The following EPB41L3 variants were observed in gnomAD, a reference collection of about 807,000 sequenced individuals.
The protein encoded by EPB41L3 is erythrocyte membrane protein band 4.1 like 3.
A neutral mutation model predicts 127.1 loss-of-function variants in EPB41L3; 57 were observed. The observed-to-expected ratio is 0.45, with a 90% confidence interval of 0.36 to 0.56. The LOEUF is 0.56. EPB41L3 is among the 20% of genes least tolerant of loss of function. The probability of loss-of-function intolerance (pLI) is 0.00; values close to 1 mark genes in which losing one functional copy is unlikely to be tolerated. For synonymous variants in EPB41L3, 572 were observed against 549.5 expected, an observed-to-expected ratio of 1.04 and a Z score of -0.57; for missense variants, 1,273 against 1,372.2, an observed-to-expected ratio of 0.93 and a Z score of 1.14.
intron 11 of EPB41L3, among the ~76,000 whole-genome samples, chr18:5,421,660 AT>A (rs2145123987): frequency 6.6e-6 from 1 of 152,330 alleles, no homozygotes; most frequent in African/African-American, 2.4e-5. Context: ...GAAATCATGT[AT>A]TTTGAAGTGA....
chr18:5,406,642 C>T (rs968499159), intron 16 of EPB41L3, 135 bp downstream of exon 16: 2 of 726,994 alleles, frequency 2.8e-6, no homozygotes, highest in Non-Finnish European at 4.3e-6. Context: ...GAGCACTGAG[C>T]ATCTCAGCTC....
chr18:5,457,786 A>C (rs1388657319), intron 3 of EPB41L3, among the ~76,000 whole-genome samples: 2 of 152,102 alleles, frequency 1.3e-5, no homozygotes, highest in Non-Finnish European at 2.9e-5. Context: ...CACGCCCCGA[A>C]GCCTTCTACC....
At chr18:5,431,910 G>T (rs963908132) in intron 8 of EPB41L3, among the ~76,000 whole-genome samples, 5 of 152,172 alleles carry the variant, frequency 3.3e-5, no homozygotes, top group South Asian at 2.1e-4. Flanking sequence ...AGGTGAAAAA[G>T]TGTAATAATG....
At chr18:5,472,326 G>A (rs550533157) in intron 3 of EPB41L3, among the ~76,000 whole-genome samples, 42 of 152,146 alleles carry the variant, frequency 2.8e-4, no homozygotes, top group Non-Finnish European at 5.7e-4. Flanking sequence ...AGGAAACAAC[G>A]TTAATTAAAG....
intron 3 of EPB41L3, among the ~76,000 whole-genome samples, chr18:5,583,216 T>C (rs186960797): frequency 3.9e-4 from 60 of 152,258 alleles, no homozygotes; most frequent in African/African-American, 1.3e-3. Context: ...CGCCAGATAC[T>C]AGGCAAGGTA....
chr18:5,533,332 C>CA (rs1445096803), intron 1 of EPB41L3, among the ~76,000 whole-genome samples: 1 of 152,158 alleles, frequency 6.6e-6, no homozygotes, highest in Non-Finnish European at 1.5e-5. Flanking sequence ...TGATGCAATT[C>CA]AAATGTGATA....
At chr18:5,629,602 C>T (rs1010322728), upstream of EPB41L3, among the ~76,000 whole-genome samples, 1 of 152,210 alleles carries the variant, frequency 6.6e-6, no homozygotes, top group South Asian at 2.1e-4. Flanking sequence ...AGGCCCCCCC[C>T]TCCCCCGCGT....
At chr18:5,497,486 C>T (rs1007910257) in intron 1 of EPB41L3, among the ~76,000 whole-genome samples, 14 of 152,148 alleles carry the variant, frequency 9.2e-5, no homozygotes, top group Admixed American at 4.6e-4. Context: ...GAGAAATGTA[C>T]GAAGCTGGTA....
At chr18:5,443,401 C>T (rs145697884) in intron 5 of EPB41L3, among the ~76,000 whole-genome samples, 149 of 152,292 alleles carry the variant, frequency 9.8e-4, no homozygotes, top group Admixed American at 2.2e-3. Flanking sequence ...CATTAAAATA[C>T]GTATTTTTCA....
At chr18:5,571,973 G>A (rs943089042) in intron 3 of EPB41L3, among the ~76,000 whole-genome samples, 2 of 152,164 alleles carry the variant, frequency 1.3e-5, no homozygotes, top group East Asian at 1.9e-4. Context: ...CTAGACCTGC[G>A]TACTTGGAAT....
At chr18:5,456,846 A>T (rs987638775) in intron 3 of EPB41L3, among the ~76,000 whole-genome samples, 3 of 152,208 alleles carry the variant, frequency 2.0e-5, no homozygotes, top group African/African-American at 7.2e-5. Flanking sequence ...GAAGCTGCTG[A>T]ACCCTGCTAA....
At chr18:5,422,504 C>A (rs1459281137) in intron 11 of EPB41L3, among the ~76,000 whole-genome samples, 1 of 152,132 alleles carries the variant, frequency 6.6e-6, no homozygotes, top group African/African-American at 2.4e-5. Context: ...TTAAACCATA[C>A]TTGCATACCA....
chr18:5,612,163 A>G (rs1435546316), intron 3 of EPB41L3, among the ~76,000 whole-genome samples: 1 of 152,156 alleles, frequency 6.6e-6, no homozygotes, highest in Non-Finnish European at 1.5e-5. Flanking sequence ...CCAATCTTGA[A>G]AGGAAAGCAT....
chr18:5,610,652 T>C (rs2094715122), intron 3 of EPB41L3, among the ~76,000 whole-genome samples: 1 of 152,156 alleles, frequency 6.6e-6, no homozygotes, highest in African/African-American at 2.4e-5. Flanking sequence ...TAAAGTGATT[T>C]ACACATTCCA....
At chr18:5,471,145 T>C (rs1285036611) in intron 3 of EPB41L3, among the ~76,000 whole-genome samples, 1 of 152,188 alleles carries the variant, frequency 6.6e-6, no homozygotes, top group African/African-American at 2.4e-5. Context: ...GGCTACATGA[T>C]GTAGCCGGTG....
chr18:5,470,515 AT>A (rs1263127597), intron 3 of EPB41L3, among the ~76,000 whole-genome samples: 2 of 152,258 alleles, frequency 1.3e-5, no homozygotes, highest in African/African-American at 2.4e-5. Context: ...GTTAAAAAAA[AT>A]AGTTCAGTGC....
At chr18:5,601,669 G>C (rs2094593516) in intron 3 of EPB41L3, among the ~76,000 whole-genome samples, 1 of 152,146 alleles carries the variant, frequency 6.6e-6, no homozygotes, top group South Asian at 2.1e-4. Flanking sequence ...TGTATCAGGG[G>C]TGAGATAAGC....
At chr18:5,496,195 G>C (rs1458910447) in intron 1 of EPB41L3, among the ~76,000 whole-genome samples, 1 of 152,220 alleles carries the variant, frequency 6.6e-6, no homozygotes, top group Non-Finnish European at 1.5e-5. Flanking sequence ...CTATGCGTGA[G>C]CAGAAAAATC....
At chr18:5,420,014 T>C in intron 11 of EPB41L3, 137 bp from the exon 12 acceptor site, 1 of 1,480,486 alleles carries the variant, frequency 6.8e-7, no homozygotes, top group Middle Eastern at 1.8e-4. Context: ...ATATCTTTAC[T>C]GAAAAAAAAA....
Sources: allele counts gnomAD v4.1 joint callset (sites outside exome capture counted in the v4.1 genomes callset), GRCh38; gene constraint gnomAD v4.1.1; transcripts MANE v1.5; gene names NCBI Gene and HGNC (gene_info 2026-07-23, HGNC 2026-07-21).